Variants in ST6GALNAC3 observed in about 807,000 individuals in gnomAD.
The protein encoded by ST6GALNAC3 is ST6 N-acetylgalactosaminide alpha-2,6-sialyltransferase 3, also known as alpha-N-acetylgalactosaminide alpha-2,6-sialyltransferase 3.
ST6GALNAC3 carries 25 observed loss-of-function variants against 32.7 expected under a neutral mutation model. The ratio of observed to expected loss-of-function variants is 0.76; its 90% CI spans 0.56 to 1.07. The LOEUF is 1.07. Ranked by LOEUF, ST6GALNAC3 falls within the 50% of genes least tolerant of loss-of-function variation. The pLI is 0.00. For synonymous variants in ST6GALNAC3, 129 were observed against 133.1 expected, an observed-to-expected ratio of 0.97 and a Z score of 0.21; for missense variants, 355 against 382.4, an observed-to-expected ratio of 0.93 and a Z score of 0.60.
intron 3 of ST6GALNAC3, among the ~76,000 whole-genome samples, chr1:76,581,766 G>A (rs1020044430): frequency 6.6e-6 from 1 of 152,056 alleles, no homozygotes; most frequent in African/African-American, 2.4e-5. Context: ...AATATAACAA[G>A]CACAATAACT....
At chr1:76,233,809 G>C (rs1656499550) in intron 1 of ST6GALNAC3, among the ~76,000 whole-genome samples, 1 of 152,062 alleles carries the variant, frequency 6.6e-6, no homozygotes, top group South Asian at 2.1e-4. Context: ...GTGAAGTCTG[G>C]GAGGAAATAC....
chr1:76,443,317 T>G (rs1219757673), intron 3 of ST6GALNAC3, among the ~76,000 whole-genome samples: 1 of 152,166 alleles, frequency 6.6e-6, no homozygotes, highest in Non-Finnish European at 1.5e-5. Flanking sequence ...CTGTGTTATC[T>G]ATGGATAAAC....
chr1:76,416,391 A>G (rs979995261), intron 3 of ST6GALNAC3, among the ~76,000 whole-genome samples: 1 of 152,006 alleles, frequency 6.6e-6, no homozygotes, highest in Non-Finnish European at 1.5e-5. Flanking sequence ...AGTTATTTTC[A>G]TCATCAAGTT....
At chr1:76,204,815 T>C (rs1654731145) in intron 1 of ST6GALNAC3, among the ~76,000 whole-genome samples, 1 of 152,196 alleles carries the variant, frequency 6.6e-6, no homozygotes, top group Admixed American at 6.5e-5. Flanking sequence ...TGAGAGATAA[T>C]ATGGGAGATT....
At chr1:76,116,267 T>A (rs971934708) in intron 1 of ST6GALNAC3, among the ~76,000 whole-genome samples, 2 of 152,126 alleles carry the variant, frequency 1.3e-5, no homozygotes, top group Non-Finnish European at 2.9e-5. Context: ...GCCCAGACCA[T>A]GAAGTCTCCT....
chr1:76,610,271 T>G (rs1426614980), intron 3 of ST6GALNAC3, among the ~76,000 whole-genome samples: 1 of 152,218 alleles, frequency 6.6e-6, no homozygotes, highest in African/African-American at 2.4e-5. Flanking sequence ...TTAGCTTTAT[T>G]TTCTTTACTG....
chr1:76,495,346 A>G (rs1206304664), intron 3 of ST6GALNAC3, among the ~76,000 whole-genome samples: 1 of 152,170 alleles, frequency 6.6e-6, no homozygotes, highest in African/African-American at 2.4e-5. Flanking sequence ...AATCAGGCAG[A>G]TATTTAAGGG....
chr1:76,367,134 A>C (rs959666329), intron 2 of ST6GALNAC3, among the ~76,000 whole-genome samples: 2 of 152,176 alleles, frequency 1.3e-5, no homozygotes. Context: ...AATACCAAAA[A>C]CATATGGCTC....
At chr1:76,501,319 T>A (rs1661163145) in intron 3 of ST6GALNAC3, among the ~76,000 whole-genome samples, 1 of 152,208 alleles carries the variant, frequency 6.6e-6, no homozygotes, top group South Asian at 2.1e-4. Flanking sequence ...GGTCACACTC[T>A]GTAATTTGTA....
At chr1:76,126,424 T>TCTCC (rs1649247373) in intron 1 of ST6GALNAC3, among the ~76,000 whole-genome samples, 1 of 73,370 alleles carries the variant, frequency 1.4e-5, no homozygotes, top group Non-Finnish European at 2.9e-5. Flanking sequence ...CCCTCCTGCC[T>TCTCC]TTCCTTCCTT....
intron 3 of ST6GALNAC3, among the ~76,000 whole-genome samples, chr1:76,485,612 T>C (rs2101672396): frequency 6.6e-6 from 1 of 152,338 alleles, no homozygotes; most frequent in South Asian, 2.1e-4. Context: ...TTCTTCTCTG[T>C]TTTCTTCTTT....
At chr1:76,158,108 T>C (rs409979) in intron 1 of ST6GALNAC3, among the ~76,000 whole-genome samples, 23,096 of 152,286 alleles carry the variant, frequency 0.15, 1,881 homozygotes, top group Non-Finnish European at 0.19. Flanking sequence ...CAAAAATTAA[T>C]AAACATGCCT....
intron 3 of ST6GALNAC3, among the ~76,000 whole-genome samples, chr1:76,622,797 G>T (rs1378001115): frequency 2.0e-5 from 3 of 151,966 alleles, no homozygotes; most frequent in East Asian, 3.9e-4. Flanking sequence ...CCTGTGAATA[G>T]ATAATAAATC....
chr1:76,220,437 T>G (rs1557705766), intron 1 of ST6GALNAC3, among the ~76,000 whole-genome samples: 1 of 152,224 alleles, frequency 6.6e-6, no homozygotes, highest in African/African-American at 2.4e-5. Flanking sequence ...CATGCCTGCA[T>G]GCATGATTAA....
chr1:76,473,061 G>A (rs1483093438), intron 3 of ST6GALNAC3, among the ~76,000 whole-genome samples: 1 of 152,106 alleles, frequency 6.6e-6, no homozygotes, highest in Non-Finnish European at 1.5e-5. Context: ...TGAGGCTAAA[G>A]TGGAGGTAAT....
At chr1:76,169,689 T>C (rs550609380) in intron 1 of ST6GALNAC3, among the ~76,000 whole-genome samples, 1 of 152,356 alleles carries the variant, frequency 6.6e-6, no homozygotes, top group East Asian at 1.9e-4. Context: ...TCTAACTGTC[T>C]TATTTCGGAA....
chr1:76,336,733 C>G (rs1305583392), intron 2 of ST6GALNAC3, among the ~76,000 whole-genome samples: 1 of 152,208 alleles, frequency 6.6e-6, no homozygotes, highest in Non-Finnish European at 1.5e-5. Flanking sequence ...ACAGGAACTC[C>G]TTTTATCCCC....
intron 3 of ST6GALNAC3, among the ~76,000 whole-genome samples, chr1:76,443,490 T>C (rs1343129237): frequency 6.6e-6 from 1 of 152,062 alleles, no homozygotes; most frequent in Admixed American, 6.5e-5. Context: ...CTAGGAGGAG[T>C]CTGCTTCCTG....
intron 1 of ST6GALNAC3, among the ~76,000 whole-genome samples, chr1:76,212,520 T>C (rs1189986129): frequency 6.6e-6 from 1 of 152,158 alleles, no homozygotes; most frequent in East Asian, 1.9e-4. Flanking sequence ...TCTCAGTTGT[T>C]GGATCCTGAA....
Sources: allele counts gnomAD v4.1 joint callset (sites outside exome capture counted in the v4.1 genomes callset), GRCh38; gene constraint gnomAD v4.1.1; transcripts MANE v1.5; gene names NCBI Gene and HGNC (gene_info 2026-07-23, HGNC 2026-07-21).